Variants in DMBT1 observed in about 807,000 individuals in gnomAD.
DMBT1 encodes deleted in malignant brain tumors 1.
In DMBT1, 198 loss-of-function variants were observed where a neutral mutation model predicts 252.9. The observed-to-expected ratio is 0.78, with a 90% CI of 0.70 to 0.88. The LOEUF (loss-of-function observed/expected upper bound fraction) is 0.88, where lower values mean the gene tolerates loss of function less well. Among genes scored for constraint, DMBT1 ranks in the 40% least tolerant of loss-of-function variants. The pLI is 0.00. For missense variants in DMBT1, 2,432 were observed against 2,404.7 expected (o/e 1.01, Z -0.24); for synonymous variants, 990 against 942.7 (o/e 1.05, Z -0.92).
At chr10:122,630,860 A>G (rs2133671355) in intron 48 of DMBT1, 101 bp from the exon 49 acceptor site, 1 of 1,302,864 alleles carries the variant, frequency 7.7e-7, no homozygotes, top group Non-Finnish European at 1.1e-6. Context: ...TGGCGACTTT[A>G]GAGGTGGGAA....
intron 1 of DMBT1, among the ~76,000 whole-genome samples, chr10:122,564,602 C>T (rs2097574139): frequency 6.7e-6 from 1 of 148,220 alleles, no homozygotes; most frequent in African/African-American, 2.5e-5. Context: ...ATATAAACAT[C>T]ATAAAAGACA....
chr10:122,588,693 G>T (rs2097818411), intron 16 of DMBT1, among the ~76,000 whole-genome samples: 1 of 149,034 alleles, frequency 6.7e-6, no homozygotes, highest in Non-Finnish European at 1.5e-5. Context: ...GGAGTCGGTT[G>T]TCTATTCCTG....
chr10:122,586,689 C>T (rs2097792892), intron 16 of DMBT1, among the ~76,000 whole-genome samples: 2 of 148,382 alleles, frequency 1.3e-5, no homozygotes, highest in East Asian at 2.1e-4. Flanking sequence ...AAAGGAATAG[C>T]TGGGGCCAGG....
At chr10:122,639,334 A>C (rs867469470) in intron 54 of DMBT1, among the ~76,000 whole-genome samples, 77 of 152,228 alleles carry the variant, frequency 5.1e-4, no homozygotes, top group African/African-American at 1.7e-3. Flanking sequence ...AAAGACCACC[A>C]AACAAGCTTT....
intron 44 of DMBT1, 74 bp from the exon 45 acceptor site, chr10:122,625,203 C>G (rs2098108991): frequency 5.6e-6 from 8 of 1,423,458 alleles, no homozygotes; most frequent in Non-Finnish European, 7.9e-6. Context: ...GAGATGGGGA[C>G]AGGCACTCAG....
chr10:122,618,390 G>C (rs753146984), intron 41 of DMBT1, 50 bp downstream of exon 41: 2 of 1,613,224 alleles, frequency 1.2e-6, no homozygotes, highest in Non-Finnish European at 1.7e-6. Context: ...AGTTTGCTCA[G>C]GAAGAAAATC....
intron 44 of DMBT1, among the ~76,000 whole-genome samples, chr10:122,624,773 C>A (rs369322582): frequency 6.6e-5 from 10 of 152,370 alleles, no homozygotes; most frequent in African/African-American, 2.4e-4. Context: ...TGAGTCCTAA[C>A]TGTGGAGCTG....
chr10:122,585,448 G>C, intron 15 of DMBT1, 139 bp downstream of exon 15: 1 of 1,170,528 alleles, frequency 8.5e-7, no homozygotes, highest in Non-Finnish European at 1.2e-6. Flanking sequence ...GGAAGGTAGA[G>C]TCTCTGGGGA....
rs186181246 is a variant in DMBT1 at position 122,591,932 on chromosome 10, C to T, written c.2177-340C>T. 2.0e-5 allele frequency among the ~76,000 whole-genome samples: 3 copies of T among 149,192 alleles called. 1 individual carries two copies. Among genetic ancestry groups the T allele is most frequent in the Admixed American group, 6.6e-5 (1 of 15,068 alleles). ...AAGCCAGAGAGGACCACGTGGGTGC[C>T]ACCAAACTCTTCGACATGGGGATAG... On this transcript the variant is annotated intron_variant, in intron 19 of 55. Coordinates refer to ENST00000338354, the MANE Select transcript of DMBT1 (RefSeq NM_001377530.1).
chr10:122,621,512 T>C (rs1257574652), intron 44 of DMBT1, 132 bp downstream of exon 44: 2 of 1,457,610 alleles, frequency 1.4e-6, no homozygotes, highest in Non-Finnish European at 1.8e-6. Flanking sequence ...TTGTTAGCTC[T>C]CTGCTAAGAA....
chr10:122,634,356 CTTTCTTTCTTTCTTT>C (rs2098193605), intron 52 of DMBT1, among the ~76,000 whole-genome samples: 1 of 98,418 alleles, frequency 1.0e-5, no homozygotes, highest in Non-Finnish European at 2.1e-5. Flanking sequence ...TTCTTTCTTT[CTTTCTTTCTTTCTTT>C]CTTTCTTTCT....
intron 26 of DMBT1, among the ~76,000 whole-genome samples, chr10:122,599,363 G>T (rs1591405064): frequency 1.3e-5 from 2 of 152,280 alleles, no homozygotes; most frequent in Non-Finnish European, 1.5e-5. Context: ...AAAAGTGCTG[G>T]CTCCCCAGGG....
chr10:122,576,273 A>G, intron 6 of DMBT1, 126 bp from the exon 7 acceptor site: 1 of 1,385,258 alleles, frequency 7.2e-7, no homozygotes, highest in Non-Finnish European at 9.8e-7. Context: ...GGCCTGTTAA[A>G]GCCCAGCCCA....
chr10:122,578,912 G>T (rs2097737787), intron 9 of DMBT1, among the ~76,000 whole-genome samples, 153 bp downstream of exon 9: 1 of 152,140 alleles, frequency 6.6e-6, no homozygotes, highest in Non-Finnish European at 1.5e-5. Flanking sequence ...TGGCTCAAGA[G>T]TCAGCTCGGC....
intron 47 of DMBT1, 29 bp from the exon 48 acceptor site, chr10:122,630,259 G>C (rs1288343536): frequency 1.9e-6 from 3 of 1,599,222 alleles, no homozygotes; most frequent in Non-Finnish European, 2.6e-6. Flanking sequence ...GAATTTCAAT[G>C]TTGACTTGAA....
Position 122,586,148 on chromosome 10 carries a change from C to A in DMBT1, c.1548C>A (p.Gly516=), listed in dbSNP as rs201816514. The A allele has an allele frequency of 8.1e-4, 1,293 of 1,589,166 alleles. 109 individuals are homozygous for A. The highest frequency in any genetic ancestry group is 1.0e-3 in the Non-Finnish European group (1,189 of 1,166,108). ...RVEVLYRGSW[G]TVCDDSWDTN... is the part of the protein sequence containing the mutation. Reference sequence around the variant, plus strand: ...AGGTCCTATACCGAGGCTCCTGGGGCACCGTGTGTGATGACAGCTGGGACA... The same window carrying A: ...AGGTCCTATACCGAGGCTCCTGGGGAACCGTGTGTGATGACAGCTGGGACA... The change falls in exon 16 of 56, where the codon GGC becomes GGA. Residue 516 remains glycine (G), a synonymous_variant. Transcript: ENST00000338354.
chr10:122,620,325 C>G lies in DMBT1; in HGVS notation c.5284+34C>G. On this transcript the variant is annotated intron_variant, in intron 43 of 55. Transcript: ENST00000338354. ...TCCTCTCGCCCCTCCCTAGGGCTCA[C>G]TCTCTACCTCTGGACAAACGTTTCT... 3 of 1,609,192 alleles carry G rather than the reference C, an allele frequency of 1.9e-6. No individual in the cohort carries two copies. The South Asian group carries it at 3.3e-5, about 18-fold the overall frequency.
chr10:122,578,586 C>T, intron 8 of DMBT1, 132 bp from the exon 9 acceptor site: 1 of 751,502 alleles, frequency 1.3e-6, no homozygotes, highest in Non-Finnish European at 2.3e-6. Flanking sequence ...TGGGCAGACA[C>T]ATGGGGAGCA....
intron 25 of DMBT1, 36 bp from the exon 26 acceptor site, chr10:122,598,738 T>A: frequency 6.2e-7 from 1 of 1,612,284 alleles, no homozygotes; most frequent in East Asian, 2.2e-5. Flanking sequence ...GACCTCATGA[T>A]AGGGATGGAT....
Sources: allele counts gnomAD v4.1 joint callset (sites outside exome capture counted in the v4.1 genomes callset), GRCh38; gene constraint gnomAD v4.1.1; transcripts MANE v1.5; gene names NCBI Gene and HGNC (gene_info 2026-07-23, HGNC 2026-07-21).